Variants in ERBB4 observed in about 807,000 individuals in gnomAD.
The protein encoded by ERBB4 is erb-b2 receptor tyrosine kinase 4.
ERBB4 carries 42 observed loss-of-function variants against 158.0 expected under a neutral mutation model. The observed-to-expected ratio is 0.27, with a 90% CI of 0.21 to 0.34. The LOEUF is 0.34. Ranked by LOEUF, ERBB4 falls within the 10% of genes least tolerant of loss-of-function variation. The pLI is 1.00. For synonymous variants in ERBB4, 583 were observed against 558.7 expected, an observed-to-expected ratio of 1.04 and a Z score of -0.61; for missense variants, 1,333 against 1,624.1, an observed-to-expected ratio of 0.82 and a Z score of 3.08.
chr2:211,852,711 T>TC, intron 3 of ERBB4, among the ~76,000 whole-genome samples: 1 of 151,092 alleles, frequency 6.6e-6, no homozygotes, highest in Admixed American at 6.6e-5. Context: ...ACTTTTTTTT[T>TC]TCCTAATGGC....
At chr2:211,451,331 G>A (rs1379676708) in intron 20 of ERBB4, among the ~76,000 whole-genome samples, 1 of 152,146 alleles carries the variant, frequency 6.6e-6, no homozygotes, top group Non-Finnish European at 1.5e-5. Flanking sequence ...CATTCAGGAC[G>A]GAAGTCTGAA....
intron 3 of ERBB4, among the ~76,000 whole-genome samples, chr2:211,849,957 C>T (rs2077679023): frequency 6.6e-6 from 1 of 151,920 alleles, no homozygotes; most frequent in South Asian, 2.1e-4. Context: ...CTTTTAATCT[C>T]TTGCTAGGCT....
chr2:211,759,508 T>C (rs2106235597), intron 4 of ERBB4, among the ~76,000 whole-genome samples: 1 of 152,224 alleles, frequency 6.6e-6, no homozygotes, highest in African/African-American at 2.4e-5. Flanking sequence ...CCTCTCACTG[T>C]CATCTCCTGC....
At chr2:212,105,249 C>G (rs1001874577) in intron 2 of ERBB4, among the ~76,000 whole-genome samples, 1 of 152,142 alleles carries the variant, frequency 6.6e-6, no homozygotes, top group African/African-American at 2.4e-5. Context: ...GATTATAGAT[C>G]ATGTGTGCGT....
intron 1 of ERBB4, among the ~76,000 whole-genome samples, chr2:212,259,399 C>T (rs528305246): frequency 3.9e-5 from 6 of 152,122 alleles, no homozygotes; most frequent in Non-Finnish European, 8.8e-5. Context: ...CTGACCCAAA[C>T]CTAAGAAAGC....
chr2:211,931,816 A>T (rs1035383367), intron 3 of ERBB4, among the ~76,000 whole-genome samples: 2 of 152,070 alleles, frequency 1.3e-5, no homozygotes, highest in African/African-American at 4.8e-5. Context: ...TGTGGCAAGG[A>T]TTAACCAATA....
intron 1 of ERBB4, among the ~76,000 whole-genome samples, chr2:212,242,069 C>A (rs1294358671): frequency 6.6e-6 from 1 of 151,810 alleles, no homozygotes; most frequent in Non-Finnish European, 1.5e-5. Context: ...TAATCATCAT[C>A]ATATTGGTTT....
intron 1 of ERBB4, among the ~76,000 whole-genome samples, chr2:212,371,763 T>C (rs1046928983): frequency 6.6e-6 from 1 of 152,186 alleles, no homozygotes; most frequent in African/African-American, 2.4e-5. Flanking sequence ...AGCGCACTTT[T>C]GGCACTTACT....
chr2:211,798,264 T>C (rs111542566), intron 3 of ERBB4, among the ~76,000 whole-genome samples: 2 of 152,238 alleles, frequency 1.3e-5, no homozygotes, highest in African/African-American at 2.4e-5. Flanking sequence ...ATATGTATCT[T>C]ATTCCTTTTT....
rs539959761 is a variant in ERBB4 at position 211,472,879 on chromosome 2, C to A, written c.2488-41779G>T. On this transcript the variant is annotated intron_variant, in intron 20 of 27. Coordinates refer to ENST00000342788, the MANE Select transcript of ERBB4 (RefSeq NM_005235.3). ...GTAGGTATAGGGTGGGACCTAAACA[C>A]AACCTCAACAATAATATAAATATTA... 3.3e-5 allele frequency among the ~76,000 whole-genome samples: 5 copies of A among 151,666 alleles called. No homozygotes were observed. The East Asian group carries it at 9.7e-4, about 29-fold the overall frequency.
chr2:212,330,223 T>TTTTG (rs10627399), intron 1 of ERBB4, among the ~76,000 whole-genome samples: 144,061 of 151,656 alleles, frequency 0.95, 68,580 homozygotes, highest in Middle Eastern at 1. Context: ...TATCTGTGTT[T>TTTTG]TTTGTTTGTT....
intron 1 of ERBB4, among the ~76,000 whole-genome samples, chr2:212,499,841 G>A (rs1690785799): frequency 6.6e-6 from 1 of 152,016 alleles, no homozygotes; most frequent in African/African-American, 2.4e-5. Flanking sequence ...GATAACTGCA[G>A]ATGTAGAAAA....
chr2:211,666,403 T>C (rs77519074), intron 14 of ERBB4, among the ~76,000 whole-genome samples: 4,046 of 152,222 alleles, frequency 0.027, 181 homozygotes, highest in African/African-American at 0.091. Flanking sequence ...ATAATACACA[T>C]TAACTTTCTA....
chr2:211,470,896 G>A (rs1007744299), intron 20 of ERBB4, among the ~76,000 whole-genome samples: 3 of 152,190 alleles, frequency 2.0e-5, no homozygotes, highest in African/African-American at 7.2e-5. Context: ...TGCTGCATCC[G>A]GAGGTAGAGC....
rs386392490 is a variant in ERBB4 at position 211,867,024 on chromosome 2, C to CAAAAAAAAAAAA, written c.422-78877_422-78866dup. 7.6e-4 allele frequency among the ~76,000 whole-genome samples: 46 copies of CAAAAAAAAAAAA among 60,628 alleles called. 3 individuals carry two copies. The highest frequency in any genetic ancestry group is 3.1e-3 in the East Asian group (5 of 1,590). The allele number at this position is 60,628 out of a possible 152,430, so 39.8% of individuals were successfully genotyped here. A position where few individuals can be genotyped will look rare whatever the true frequency, so the allele number is the denominator to read the frequency against. The stretch of plus-strand genomic sequence containing the variant: ...TATTAAACTCTCCATTCCTTAAAAC[C>CAAAAAAAAAAAA]AAAAAAAAAAAAAAAAAAAAAAAAA... On this transcript the variant is annotated intron_variant, in intron 3 of 27. Transcript: ENST00000342788.
At chr2:211,525,653 A>G (rs140899906) in intron 20 of ERBB4, among the ~76,000 whole-genome samples, 260 of 152,204 alleles carry the variant, frequency 1.7e-3, no homozygotes, top group African/African-American at 5.8e-3. Context: ...GAAGTCCCCA[A>G]TTTTAGGCCT....
At chr2:211,882,628 C>T (rs543083061) in intron 3 of ERBB4, among the ~76,000 whole-genome samples, 1 of 152,126 alleles carries the variant, frequency 6.6e-6, no homozygotes. Flanking sequence ...ATAAATGATA[C>T]CTTAATGCTA....
chr2:212,188,770 C>T (rs1286275611), intron 1 of ERBB4, among the ~76,000 whole-genome samples: 1 of 151,818 alleles, frequency 6.6e-6, no homozygotes, highest in Non-Finnish European at 1.5e-5. Flanking sequence ...CTTCAAGATT[C>T]CTCAGACTAG....
intron 1 of ERBB4, among the ~76,000 whole-genome samples, chr2:212,503,667 T>A (rs115323780): frequency 4.6e-5 from 7 of 152,336 alleles, no homozygotes; most frequent in African/African-American, 1.7e-4. Flanking sequence ...GAAGTTGATG[T>A]AACAATGCTG....
Sources: allele counts gnomAD v4.1 joint callset (sites outside exome capture counted in the v4.1 genomes callset), GRCh38; gene constraint gnomAD v4.1.1; transcripts MANE v1.5; gene names NCBI Gene and HGNC (gene_info 2026-07-23, HGNC 2026-07-21).